SH3GL3: variants seen among roughly 807,000 people sequenced by gnomAD.
The protein encoded by SH3GL3 is SH3 domain containing GRB2 like 3, endophilin A3.
SH3GL3 carries 33 observed loss-of-function variants against 47.7 expected under a neutral mutation model. The observed-to-expected ratio is 0.69, with a 90% confidence interval of 0.52 to 0.92. SH3GL3 has a LOEUF of 0.92. SH3GL3 is among the 40% of genes least tolerant of loss of function. The probability of loss-of-function intolerance (pLI) is 0.00; values close to 1 mark genes in which losing one functional copy is unlikely to be tolerated. For synonymous variants in SH3GL3, 155 were observed against 148.8 expected (o/e 1.04, Z -0.30); for missense variants, 363 against 417.8 (o/e 0.87, Z 1.14).
chr15:83,568,128 A>C (rs1038949553), intron 3 of SH3GL3, among the ~76,000 whole-genome samples: 1 of 151,536 alleles, frequency 6.6e-6, no homozygotes, highest in African/African-American at 2.4e-5. Context: ...GATTACAGGC[A>C]TGTGCCACCA....
In SH3GL3 at chr15:83,568,614, C is replaced by T. The variant is rs1362589822; in HGVS notation, c.273C>T (p.Gly91=). 2.5e-6 allele frequency: 4 copies of T among 1,613,546 alleles called. No individual in the cohort carries two copies. The East Asian group carries it at 6.7e-5, about 27-fold the overall frequency. The change falls in exon 4 of 9, where the codon GGC becomes GGT. Residue 91 remains glycine (G), a synonymous_variant. Coordinates refer to ENST00000427482, the MANE Select transcript of SH3GL3 (RefSeq NM_003027.5). ...VKTTGYPQTE[G]LLGDCMLKYG... ...CCACAGGATACCCGCAGACGGAAGG[C>T]TTGCTGGGGGACTGTATGCTGAAAT...
intron 6 of SH3GL3, among the ~76,000 whole-genome samples, chr15:83,585,298 A>G (rs1337620874): frequency 3.9e-5 from 6 of 152,232 alleles, no homozygotes; most frequent in Non-Finnish European, 8.8e-5. Context: ...TCTAGATTAC[A>G]TCACCTTGTG....
chr15:83,573,478 A>G (rs910766356), intron 5 of SH3GL3, among the ~76,000 whole-genome samples: 3 of 152,240 alleles, frequency 2.0e-5, no homozygotes, highest in African/African-American at 4.8e-5. Context: ...TGAATCAGAA[A>G]TCTTATGGGT....
At chr15:83,554,046 G>A (rs1054506510) in intron 1 of SH3GL3, among the ~76,000 whole-genome samples, 2 of 136,622 alleles carry the variant, frequency 1.5e-5, no homozygotes, top group African/African-American at 5.4e-5. Context: ...TTGAGACAGA[G>A]TCTCACTTTG....
chr15:83,526,187 G>A (rs999742537), intron 1 of SH3GL3, among the ~76,000 whole-genome samples: 1 of 152,160 alleles, frequency 6.6e-6, no homozygotes, highest in African/African-American at 2.4e-5. Context: ...TGCTGGTGAG[G>A]TTGAGGAGAA....
In SH3GL3 at chr15:83,468,032, A is replaced by G. The variant is rs532524668; in HGVS notation, c.45+20454A>G. ...TTTTTAGTAGAGACAGGGTTTCACC[A>G]TGTTAGCCAGGATGGTCTCGATCTC... On this transcript the variant is annotated intron_variant, in intron 1 of 8. Coordinates refer to ENST00000427482, the MANE Select transcript of SH3GL3 (RefSeq NM_003027.5). 1.6e-3 allele frequency among the ~76,000 whole-genome samples: 239 copies of G among 152,218 alleles called. 1 individual carries two copies. Among genetic ancestry groups the G allele is most frequent in the South Asian group, 7.5e-3 (36 of 4,818 alleles).
rs561736967 is a variant in SH3GL3, at chr15:83,557,000, A to T, written c.46-2253A>T. Among the ~76,000 whole-genome samples, 9 of 152,356 alleles carry T rather than the reference A, an allele frequency of 5.9e-5. 1 individual carries two copies. The highest frequency in any genetic ancestry group is 2.2e-4 in the African/African-American group (9 of 41,584). The stretch of plus-strand genomic sequence containing the variant: ...ACAGCGGACCTGACAGAGTGAGCAG[A>T]AGTATCTGTAGAGCCTCTTTGTGAG... On this transcript the variant is annotated intron_variant, in intron 1 of 8. Transcript: ENST00000427482.
At chr15:83,510,632 TA>T (rs754109675) in intron 1 of SH3GL3, among the ~76,000 whole-genome samples, 4 of 152,104 alleles carry the variant, frequency 2.6e-5, no homozygotes, top group Non-Finnish European at 5.9e-5. Flanking sequence ...ATAACAGTCA[TA>T]AATCATGATC....
In SH3GL3 at chr15:83,613,314, C is replaced by T. The variant is rs114627173; in HGVS notation, c.839-4768C>T. Among the ~76,000 whole-genome samples the T allele has an allele frequency of 7.6e-3, 1,152 of 152,242 alleles. 14 individuals are homozygous for T. The highest frequency in any genetic ancestry group is 0.026 in the African/African-American group (1,067 of 41,532). ...ACTCAGTGGTCTCTGGAGAGATGCC[C>T]TGCCTTGGGTTTAGGTGCTGATGGA... is the stretch of plus-strand genomic sequence containing the variant. On this transcript the variant is annotated intron_variant, in intron 8 of 8. Coordinates refer to ENST00000427482, the MANE Select transcript of SH3GL3 (RefSeq NM_003027.5).
chr15:83,487,759 G>A (rs2041672678), intron 1 of SH3GL3, among the ~76,000 whole-genome samples: 1 of 152,084 alleles, frequency 6.6e-6, no homozygotes, highest in Non-Finnish European at 1.5e-5. Context: ...ACCACCAATG[G>A]GACATTCCTA....
At chr15:83,529,970 C>A (rs567856312) in intron 1 of SH3GL3, among the ~76,000 whole-genome samples, 1 of 152,260 alleles carries the variant, frequency 6.6e-6, no homozygotes, top group East Asian at 1.9e-4. Flanking sequence ...TGTGCCACAC[C>A]ACCCATTCCC....
chr15:83,491,957 T>C (rs908144739), intron 1 of SH3GL3, among the ~76,000 whole-genome samples: 1 of 152,084 alleles, frequency 6.6e-6, no homozygotes, highest in Non-Finnish European at 1.5e-5. Flanking sequence ...TGCCAAAAAA[T>C]AGAATTGCGA....
chr15:83,459,424 G>C (rs1186529815), intron 1 of SH3GL3, among the ~76,000 whole-genome samples: 1 of 152,134 alleles, frequency 6.6e-6, no homozygotes, highest in Non-Finnish European at 1.5e-5. Flanking sequence ...AGTCATGGAG[G>C]GTTTATGAAA....
chr15:83,622,850 G>T (rs767081425), downstream of SH3GL3, among the ~76,000 whole-genome samples: 2 of 152,196 alleles, frequency 1.3e-5, no homozygotes, highest in Non-Finnish European at 2.9e-5. Context: ...ACTTCTTCTG[G>T]CATCGCCTCT....
At position 83,559,280 on chromosome 15, in the gene SH3GL3, G is replaced by A; in HGVS notation, c.73G>A (p.Glu25Lys). The stretch of plus-strand genomic sequence containing the variant: ...ATTTAGTGAAAAAATAAGTGGTGCT[G>A]AAGGAACTAAACTAGACGATGAATT... Reference protein sequence around the residue: ...QLFSEKISGAEGTKLDDEFLD... With the variant: ...QLFSEKISGAKGTKLDDEFLD... Residue 25 changes from glutamate to lysine, a missense_variant, in exon 2 of 9, where the codon GAA becomes AAA. Glu to Lys is a moderately conservative substitution (Grantham distance 56). Transcript: ENST00000427482. The A allele has an allele frequency of 6.3e-7, 1 of 1,590,184 alleles. No individual in the cohort carries two copies. The highest frequency in any genetic ancestry group is 8.6e-7 in the Non-Finnish European group (1 of 1,158,164).
Position 83,618,296 on chromosome 15 carries a change from C to A in SH3GL3, c.*9C>A, listed in dbSNP as rs755455058. ...TGCCTTTACCTCAGTAAATGTGTAA[C>A]ACAAACTCTGGACATACTTTCGTAA... On this transcript the variant is annotated 3_prime_UTR_variant, in exon 9 of 9. Transcript: ENST00000427482. 3 of 1,543,914 alleles carry A rather than the reference C, an allele frequency of 1.9e-6. No homozygotes were observed. Among genetic ancestry groups the A allele is most frequent in the Non-Finnish European group, 2.7e-6 (3 of 1,115,920 alleles).
At chr15:83,534,614 A>G (rs1246789286) in intron 1 of SH3GL3, among the ~76,000 whole-genome samples, 7 of 152,214 alleles carry the variant, frequency 4.6e-5, no homozygotes, top group Non-Finnish European at 7.3e-5. Context: ...AATGAATAAA[A>G]TTTAAGAAAA....
intron 5 of SH3GL3, among the ~76,000 whole-genome samples, chr15:83,574,251 G>A (rs1264510297): frequency 1.3e-5 from 2 of 152,006 alleles, no homozygotes; most frequent in Non-Finnish European, 2.9e-5. Context: ...GTATGAGGGA[G>A]AATTCAGGAA....
intron 1 of SH3GL3, among the ~76,000 whole-genome samples, chr15:83,492,032 C>T (rs2041893902): frequency 6.6e-6 from 1 of 152,050 alleles, no homozygotes; most frequent in East Asian, 1.9e-4. Flanking sequence ...CGCCTGTAAC[C>T]CCAGCACTTT....
Sources: gnomAD v4.1 joint callset for allele counts (sites outside exome capture counted in the v4.1 genomes callset) on GRCh38, gnomAD v4.1.1 for gene constraint, MANE v1.5 for transcripts, NCBI Gene and HGNC (gene_info 2026-07-23, HGNC 2026-07-21) for gene names.